Variants in ZFPM2 observed in about 807,000 individuals in gnomAD.
The protein encoded by ZFPM2 is zinc finger protein ZFPM2.
ZFPM2 carries 20 observed loss-of-function variants against 98.6 expected under a neutral mutation model. That is an observed-to-expected ratio of 0.20 (90% CI 0.14 to 0.29). The LOEUF (loss-of-function observed/expected upper bound fraction) is 0.29, where lower values mean the gene tolerates loss of function less well. Among genes scored for constraint, ZFPM2 ranks in the 10% least tolerant of loss-of-function variants. The probability of loss-of-function intolerance (pLI) is 1.00; values close to 1 mark genes in which losing one functional copy is unlikely to be tolerated. For synonymous variants in ZFPM2, 518 were observed against 502.7 expected, an observed-to-expected ratio of 1.03 and a Z score of -0.41; for missense variants, 1,310 against 1,388.6, an observed-to-expected ratio of 0.94 and a Z score of 0.90.
chr8:105,558,742 T>C (rs1815057454), intron 3 of ZFPM2, among the ~76,000 whole-genome samples: 1 of 151,874 alleles, frequency 6.6e-6, no homozygotes, highest in Non-Finnish European at 1.5e-5. Context: ...TCATGATTCC[T>C]CTGGTATCAC....
intron 1 of ZFPM2, among the ~76,000 whole-genome samples, 185 bp downstream of exon 1, chr8:105,319,166 C>A (rs1278181880): frequency 6.6e-6 from 1 of 152,110 alleles, no homozygotes; most frequent in African/African-American, 2.4e-5. Flanking sequence ...AGACGGCCAG[C>A]CCGAGCCTCG....
At chr8:105,680,806 A>C (rs904564801) in intron 5 of ZFPM2, among the ~76,000 whole-genome samples, 1 of 152,178 alleles carries the variant, frequency 6.6e-6, no homozygotes, top group Non-Finnish European at 1.5e-5. Context: ...AAAATGCTTC[A>C]TGAAACCATA....
intron 3 of ZFPM2, among the ~76,000 whole-genome samples, chr8:105,537,787 G>A (rs73306213): frequency 0.086 from 13,013 of 151,772 alleles, 737 homozygotes; most frequent in African/African-American, 0.17. Context: ...CTGGAGTGCA[G>A]TGGCACAATT....
At chr8:105,691,311 G>C (rs1810875670) in intron 5 of ZFPM2, among the ~76,000 whole-genome samples, 1 of 116,572 alleles carries the variant, frequency 8.6e-6, no homozygotes, top group South Asian at 2.8e-4. Context: ...TGCAGTGGCG[G>C]GATCTCGGCT....
At chr8:105,421,290 A>G (rs1811787715) in intron 2 of ZFPM2, among the ~76,000 whole-genome samples, 1 of 152,116 alleles carries the variant, frequency 6.6e-6, no homozygotes, top group Admixed American at 6.6e-5. Flanking sequence ...AGATGTACAC[A>G]AAATAATATT....
intron 3 of ZFPM2, among the ~76,000 whole-genome samples, chr8:105,459,431 C>T (rs1236091928): frequency 6.6e-6 from 1 of 152,102 alleles, no homozygotes; most frequent in Non-Finnish European, 1.5e-5. Context: ...CCTAGGGGCT[C>T]TCTCTGTGGT....
chr8:105,795,758 T>TGACA (rs1205952787), intron 6 of ZFPM2: 2 of 466,258 alleles, frequency 4.3e-6, no homozygotes, highest in Non-Finnish European at 8.5e-6. Flanking sequence ...TGTCACAGAA[T>TGACA]GACACTTCAT....
At chr8:105,393,214 G>T (rs559394937) in intron 1 of ZFPM2, among the ~76,000 whole-genome samples, 1 of 152,210 alleles carries the variant, frequency 6.6e-6, no homozygotes, top group South Asian at 2.1e-4. Context: ...CATGCCGTTG[G>T]AAGTGTGGCT....
At chr8:105,791,105 T>C (rs1813596626) in intron 6 of ZFPM2, among the ~76,000 whole-genome samples, 1 of 152,220 alleles carries the variant, frequency 6.6e-6, no homozygotes, top group South Asian at 2.1e-4. Context: ...CTAATTGCCC[T>C]GGCCAGAACT....
chr8:105,419,332 G>T, intron 2 of ZFPM2, 30 bp downstream of exon 2: 1 of 1,602,950 alleles, frequency 6.2e-7, no homozygotes, highest in Non-Finnish European at 8.5e-7. Flanking sequence ...TGTAATATGT[G>T]AGTCCACTTA....
chr8:105,618,767 C>A (rs1816471154), intron 4 of ZFPM2, among the ~76,000 whole-genome samples: 4 of 152,068 alleles, frequency 2.6e-5, no homozygotes, highest in Admixed American at 2.6e-4. Context: ...CAAGGCTATA[C>A]AGCTATGTAG....
At chr8:105,395,610 T>G (rs1311934933) in intron 1 of ZFPM2, among the ~76,000 whole-genome samples, 1 of 152,136 alleles carries the variant, frequency 6.6e-6, no homozygotes, top group African/African-American at 2.4e-5. Context: ...TGTTGATCTG[T>G]CCCCTATTTC....
At position 105,681,501 on chromosome 8, in the gene ZFPM2, A is replaced by G. The variant is rs76798573; in HGVS notation, c.532+47144A>G. 4.0e-3 allele frequency among the ~76,000 whole-genome samples: 615 copies of G among 152,328 alleles called. 12 individuals carry two copies. Among genetic ancestry groups the G allele is most frequent in the East Asian group, 0.017 (90 of 5,182 alleles). On this transcript the variant is annotated intron_variant, in intron 5 of 7. Transcript: ENST00000407775. The stretch of plus-strand genomic sequence containing the variant: ...TATAAGTAGCACTGTGATAAGGTAC[A>G]TGATTGTGTGTGTGTATTAAGAAGA...
intron 1 of ZFPM2, among the ~76,000 whole-genome samples, chr8:105,357,456 A>G (rs1314688897): frequency 6.6e-6 from 1 of 152,220 alleles, no homozygotes; most frequent in Non-Finnish European, 1.5e-5. Context: ...ATCTCATAGC[A>G]ATGTGGTAAG....
chr8:105,437,240 T>TG (rs1469562546), intron 2 of ZFPM2, among the ~76,000 whole-genome samples: 2 of 152,216 alleles, frequency 1.3e-5, no homozygotes, highest in African/African-American at 4.8e-5. Flanking sequence ...TAACTACTAT[T>TG]GTAGTGCTTC....
intron 5 of ZFPM2, among the ~76,000 whole-genome samples, chr8:105,747,816 C>T (rs1812382531): frequency 6.6e-6 from 1 of 152,178 alleles, no homozygotes; most frequent in Admixed American, 6.6e-5. Context: ...TCACATGATG[C>T]ATTAGTATTG....
intron 1 of ZFPM2, among the ~76,000 whole-genome samples, chr8:105,320,233 T>C (rs1468674756): frequency 1.3e-5 from 2 of 151,380 alleles, no homozygotes; most frequent in Admixed American, 1.3e-4. Flanking sequence ...TAAACAGTTA[T>C]CAACAGTTAA....
At chr8:105,718,993 A>G (rs1438039660) in intron 5 of ZFPM2, among the ~76,000 whole-genome samples, 2 of 151,934 alleles carry the variant, frequency 1.3e-5, no homozygotes, top group African/African-American at 2.4e-5. Context: ...ACTGGCCCCA[A>G]ATATGACTCT....
chr8:105,360,743 G>A (rs923379128), intron 1 of ZFPM2, among the ~76,000 whole-genome samples: 2 of 146,156 alleles, frequency 1.4e-5, no homozygotes, highest in East Asian at 2.0e-4. Context: ...TTGTTCTTGC[G>A]ATAGTTTACT....
Sources: allele counts gnomAD v4.1 joint callset (sites outside exome capture counted in the v4.1 genomes callset), GRCh38; gene constraint gnomAD v4.1.1; transcripts MANE v1.5; gene names NCBI Gene and HGNC (gene_info 2026-07-23, HGNC 2026-07-21).